Variants in NFE2L2 observed in about 807,000 individuals in gnomAD.
NFE2L2 encodes the protein nuclear factor erythroid 2-related factor 2.
Under a neutral mutation model 49.6 loss-of-function variants are expected in NFE2L2, and 20 were observed. The observed-to-expected ratio is 0.40, with a 90% CI of 0.28 to 0.59. NFE2L2 has a LOEUF of 0.59. Ranked by LOEUF, NFE2L2 falls within the 20% of genes least tolerant of loss-of-function variation. The pLI is 0.40. For missense variants in NFE2L2, 578 were observed against 714.2 expected, an observed-to-expected ratio of 0.81 and a Z score of 2.17; for synonymous variants, 244 against 256.5, an observed-to-expected ratio of 0.95 and a Z score of 0.47.
chr2:177,246,038 T>C (rs1411283309), intron 1 of NFE2L2, among the ~76,000 whole-genome samples: 1 of 152,214 alleles, frequency 6.6e-6, no homozygotes, highest in Non-Finnish European at 1.5e-5. Flanking sequence ...CCTGGGAAGC[T>C]TGTCCACTGC....
chr2:177,234,424 A>C (rs1689670766), intron 1 of NFE2L2, among the ~76,000 whole-genome samples, 153 bp from the exon 2 acceptor site: 1 of 152,260 alleles, frequency 6.6e-6, no homozygotes, highest in Non-Finnish European at 1.5e-5. Flanking sequence ...ATGTTCTAGA[A>C]GAGCACAGTT....
intron 2 of NFE2L2, chr2:177,233,737 T>C (rs1689644392): frequency 1.8e-6 from 1 of 552,324 alleles, no homozygotes; most frequent in African/African-American, 1.9e-5. Context: ...TGCTACTTGA[T>C]CCTTACAGGA....
rs1689500576 is a variant in NFE2L2 at position 177,230,488 on chromosome 2, C to T, written c.*297G>A. 3.6e-6 allele frequency: 1 copy of T among 280,500 alleles called. No individual in the cohort carries two copies. Among genetic ancestry groups the T allele is most frequent in the Non-Finnish European group, 6.6e-6 (1 of 151,412 alleles). 17.4% of individuals were successfully genotyped at this position (280,500 alleles called of 1,614,324 possible). ...CCAGATGTCATATCATCATATAAAT[C>T]TATGAATATAACAAATGACATAAGA... is the stretch of plus-strand genomic sequence containing the variant. On this transcript the variant is annotated 3_prime_UTR_variant, in exon 5 of 5. Coordinates refer to ENST00000397062, the MANE Select transcript of NFE2L2 (RefSeq NM_006164.5).
At position 177,231,567 on chromosome 2, in the gene NFE2L2, T is replaced by C; in HGVS notation, c.1036A>G (p.Ile346Val). 6.2e-7 allele frequency: 1 copy of C among 1,614,226 alleles called. No individual in the cohort carries two copies. Among genetic ancestry groups the C allele is most frequent in the Non-Finnish European group, 8.5e-7 (1 of 1,180,034 alleles). The change falls in exon 5 of 5, where the codon ATT becomes GTT. Residue 346 changes from isoleucine (I) to valine (V), a missense_variant. Physicochemically the swap from Ile to Val is conservative, Grantham distance 29 (BLOSUM62 3). Transcript: ENST00000397062. ...TAEFNDSDSG[I>V]SLNTSPSVAS... ...ACACTGGGACTTGTGTTTAGTGAAA[T>C]GCCGGAGTCAGAATCATTGAATTCT...
At chr2:177,249,614 C>CA (rs1360703996) in intron 1 of NFE2L2, among the ~76,000 whole-genome samples, 10 of 152,128 alleles carry the variant, frequency 6.6e-5, no homozygotes, top group East Asian at 1.9e-4. Flanking sequence ...GCCTCACCAA[C>CA]AAAAAAATAA....
intron 1 of NFE2L2, among the ~76,000 whole-genome samples, chr2:177,234,614 G>A (rs1689675845): frequency 1.3e-5 from 2 of 152,196 alleles, no homozygotes; most frequent in Admixed American, 1.3e-4. Context: ...ATAGAAATTA[G>A]AGCAAGCACT....
chr2:177,264,663 G>A lies in NFE2L2; in HGVS notation c.-87C>T. On this transcript the variant is annotated 5_prime_UTR_variant, in exon 1 of 5. Transcript: ENST00000397062. ...GCGGCGCGGACAGGGCGGCTCTGGT[G>A]GCGGCGGCGGCGGCGGTGGCGGCTG... The A allele has an allele frequency of 3.9e-6, 2 of 513,782 alleles. No individual in the cohort carries two copies. Among genetic ancestry groups the A allele is most frequent in the Non-Finnish European group, 4.8e-6 (2 of 413,886 alleles). 31.8% of individuals were successfully genotyped at this position (513,782 alleles called of 1,614,324 possible).
intron 1 of NFE2L2, among the ~76,000 whole-genome samples, chr2:177,248,264 T>C (rs1425699344): frequency 6.6e-6 from 1 of 152,248 alleles, no homozygotes; most frequent in African/African-American, 2.4e-5. Flanking sequence ...CCTACTGCAA[T>C]TTCTATCACT....
At chr2:177,250,555 T>A (rs1053528100) in intron 1 of NFE2L2, among the ~76,000 whole-genome samples, 1 of 152,240 alleles carries the variant, frequency 6.6e-6, no homozygotes, top group Non-Finnish European at 1.5e-5. Context: ...CTCCTTCATA[T>A]GCACACCAAT....
rs1178294377 is a variant in NFE2L2, at chr2:177,264,680, T to C, written c.-104A>G. 114 of 912,956 alleles carry C rather than the reference T, an allele frequency of 1.2e-4. 2 individuals are homozygous for C. Among genetic ancestry groups the C allele is most frequent in the Non-Finnish European group, 1.6e-4 (106 of 680,842 alleles). The allele number at this position is 912,956 out of a possible 1,614,324, so 56.6% of individuals were successfully genotyped here. A position where few individuals can be genotyped will look rare whatever the true frequency, so the allele number is the denominator to read the frequency against. On this transcript the variant is annotated 5_prime_UTR_variant, in exon 1 of 5. Transcript: ENST00000397062. ...GCTCTGGTGGCGGCGGCGGCGGCGG[T>C]GGCGGCTGCGTCGGCGGCTCCTCCG...
chr2:177,234,651 G>C (rs1468603059), intron 1 of NFE2L2, among the ~76,000 whole-genome samples: 1 of 152,242 alleles, frequency 6.6e-6, no homozygotes, highest in African/African-American at 2.4e-5. Context: ...TATAAGAGAA[G>C]TGGGGTCTGG....
Position 177,255,090 on chromosome 2 carries a change from C to T in NFE2L2, c.45+9442G>A, listed in dbSNP as rs148529343. Among the ~76,000 whole-genome samples, 268 of 152,300 alleles carry T rather than the reference C, an allele frequency of 1.8e-3. 6 individuals carry two copies. In the East Asian group the frequency reaches 0.037, roughly 21 times the overall value. ...AACTTTGGAAACCTGTAGCACAGAG[C>T]AAGAGCCGCATACTCCCGGGGACCC... On this transcript the variant is annotated intron_variant, in intron 1 of 4. Transcript: ENST00000397062.
intron 1 of NFE2L2, among the ~76,000 whole-genome samples, chr2:177,262,022 T>G (rs1428254542): frequency 1.3e-5 from 2 of 152,066 alleles, no homozygotes; most frequent in Non-Finnish European, 2.9e-5. Context: ...GAGTCAGTTT[T>G]CCCCCCAACA....
chr2:177,260,061 C>T (rs1390058908), intron 1 of NFE2L2, among the ~76,000 whole-genome samples: 2 of 152,150 alleles, frequency 1.3e-5, no homozygotes, highest in East Asian at 3.8e-4. Flanking sequence ...TGGCCTATAC[C>T]TTAAAGCCCT....
intron 1 of NFE2L2, among the ~76,000 whole-genome samples, chr2:177,242,126 A>C (rs1050903250): frequency 2.0e-5 from 3 of 152,206 alleles, no homozygotes; most frequent in Non-Finnish European, 4.4e-5. Context: ...TTTTGGTTTT[A>C]TTAGACTGAT....
At chr2:177,246,607 T>C (rs1321141355) in intron 1 of NFE2L2, among the ~76,000 whole-genome samples, 3 of 146,948 alleles carry the variant, frequency 2.0e-5, no homozygotes. Context: ...TTCTTTTTTT[T>C]CTTTTTTTCT....
rs762046795 is a variant in NFE2L2, at chr2:177,231,623, G to A, written c.980C>T (p.Ala327Val). Reference protein sequence around the residue: ...IDVSDLSLCKAFNQNHPESTA... With the variant: ...IDVSDLSLCKVFNQNHPESTA... The stretch of plus-strand genomic sequence containing the variant: ...GCTTTCAGGGTGGTTTTGGTTGAAA[G>A]CTTTGCAAAGTGATAGATCAGAAAC... The change falls in exon 5 of 5, where the codon GCT (alanine) becomes GTT (valine). Residue 327 changes from alanine to valine, a missense_variant. By Grantham distance (64) the Ala-to-Val change is moderately conservative. Coordinates refer to ENST00000397062, the MANE Select transcript of NFE2L2 (RefSeq NM_006164.5). 6.2e-7 allele frequency: 1 copy of A among 1,614,196 alleles called. No individual in the cohort carries two copies. Among genetic ancestry groups the A allele is most frequent in the Non-Finnish European group, 8.5e-7 (1 of 1,180,030 alleles).
In NFE2L2 at chr2:177,231,497, G is replaced by T. The variant is rs587778555; in HGVS notation, c.1106C>A (p.Thr369Lys). The T allele has an allele frequency of 6.2e-7, 1 of 1,614,254 alleles. No homozygotes were observed. The highest frequency in any genetic ancestry group is 8.5e-7 in the Non-Finnish European group (1 of 1,180,034). Residue 369 changes from threonine to lysine, a missense_variant, in exon 5 of 5, where the codon ACA (threonine) becomes AAA (lysine). Around this residue, in one of 3 missense-constraint regions of NFE2L2, gnomAD observed 368 missense variants for 384.6 expected, o/e 0.96. Coordinates refer to ENST00000397062, the MANE Select transcript of NFE2L2 (RefSeq NM_006164.5). ...HSVESSSYGD[T>K]LLGLSDSEVE... ...TTCAGAATCACTGAGGCCAAGTAGT[G>T]TGTCTCCATAGCTGGAAGATTCCAC...
In NFE2L2 at chr2:177,230,697, T is replaced by TA; in HGVS notation, c.*87dup. 4 of 1,407,298 alleles carry TA rather than the reference T, an allele frequency of 2.8e-6. No individual in the cohort carries two copies. Among genetic ancestry groups the TA allele is most frequent in the Non-Finnish European group, 3.8e-6 (4 of 1,059,820 alleles). 87.2% of individuals were successfully genotyped at this position (1,407,298 alleles called of 1,614,324 possible). ...CTATGATTTTGCATAGAATTACTTA[T>TA]AAAGTATGAGCATTTCACATCACAG... On this transcript the variant is annotated 3_prime_UTR_variant, in exon 5 of 5. Transcript: ENST00000397062.
Sources: allele counts gnomAD v4.1 joint callset (sites outside exome capture counted in the v4.1 genomes callset), GRCh38; gene constraint gnomAD v4.1.1; regional missense constraint gnomAD v4.1.1; transcripts MANE v1.5; gene names NCBI Gene and HGNC (gene_info 2026-07-23, HGNC 2026-07-21).